EVC2: variants seen among roughly 807,000 people sequenced by gnomAD.
EVC2 encodes the protein limbin.
EVC2 carries 148 observed loss-of-function variants against 149.3 expected under a neutral mutation model. That is an observed-to-expected ratio of 0.99 (90% CI 0.87 to 1.14). EVC2 has a LOEUF of 1.14. EVC2 is among the 50% of genes most tolerant of loss of function. EVC2 has a pLI of 0.00. For synonymous variants in EVC2, 776 were observed against 649.9 expected (o/e 1.19, Z -2.95); for missense variants, 1,854 against 1,627.3 (o/e 1.14, Z -2.40).
chr4:5,530,319 C>T, the EVC2 span, among the ~76,000 whole-genome samples: 4 of 152,174 alleles, frequency 2.6e-5, no homozygotes, highest in Non-Finnish European at 5.9e-5. Context: ...CTCAAGGGGC[C>T]ATGGGGCCTA....
intron 16 of EVC2, among the ~76,000 whole-genome samples, chr4:5,587,669 C>T (rs1712413468): frequency 6.6e-6 from 1 of 152,166 alleles, no homozygotes; most frequent in Non-Finnish European, 1.5e-5. Flanking sequence ...AGACTCCTGT[C>T]TCAAGAGCTG....
chr4:5,623,525 A>G (rs1715886397), intron 13 of EVC2, among the ~76,000 whole-genome samples: 1 of 151,870 alleles, frequency 6.6e-6, no homozygotes, highest in South Asian at 2.1e-4. Flanking sequence ...TTTTTTATAG[A>G]GTTGGGGTTT....
rs1350888580 is a variant in EVC2, at chr4:5,697,595, G to T, written c.281C>A (p.Ala94Glu). Reference protein sequence around the residue: ...PKVECCHFKTAVEAPLGMKLD... With the variant: ...PKVECCHFKTEVEAPLGMKLD... ...CATCAACCAGAAGAAAAACTCACCT[G>T]CAGTCTTAAAGTGACAGCATTCCAC... Residue 94 changes from alanine (A) to glutamate (E), a missense_variant and splice_region_variant, in exon 2 of 22, where the codon GCA becomes GAA. Ala to Glu is a moderately radical substitution (Grantham distance 107). Transcript: ENST00000344408. The T allele has an allele frequency of 3.7e-6, 6 of 1,613,998 alleles. No homozygotes were observed. The highest frequency in any genetic ancestry group is 5.1e-6 in the Non-Finnish European group (6 of 1,179,990).
chr4:5,644,615 T>G (rs1021050135), intron 9 of EVC2, among the ~76,000 whole-genome samples: 1 of 152,198 alleles, frequency 6.6e-6, no homozygotes, highest in African/African-American at 2.4e-5. Flanking sequence ...CATCTTTTCT[T>G]TAAGCGTGCA....
At chr4:5,673,654 G>C (rs1476477873) in intron 7 of EVC2, among the ~76,000 whole-genome samples, 1 of 152,212 alleles carries the variant, frequency 6.6e-6, no homozygotes, top group Non-Finnish European at 1.5e-5. Context: ...AGCAGGAGCA[G>C]ATGCCTTTGA....
chr4:5,665,388 C>T, intron 8 of EVC2, 127 bp downstream of exon 8: 1 of 1,419,316 alleles, frequency 7.0e-7, no homozygotes, highest in Non-Finnish European at 9.8e-7. Flanking sequence ...GGGCCCTGGG[C>T]ATGGGTTTTT....
intron 19 of EVC2, among the ~76,000 whole-genome samples, chr4:5,571,083 A>G (rs1396708688): frequency 6.6e-6 from 1 of 152,112 alleles, no homozygotes; most frequent in Admixed American, 6.5e-5. Context: ...TGGGAGGCTG[A>G]GGCGGGTGGA....
At chr4:5,705,588 TAAAA>T (rs920101897) in intron 1 of EVC2, among the ~76,000 whole-genome samples, 67 of 152,200 alleles carry the variant, frequency 4.4e-4, no homozygotes, top group African/African-American at 1.5e-3. Context: ...TTTTCTAAAA[TAAAA>T]AAAGTGAGAA....
chr4:5,640,933 G>A lies in EVC2; in HGVS notation c.1146-95C>T. 1 of 1,408,390 alleles carries A rather than the reference G, an allele frequency of 7.1e-7. No individual in the cohort carries two copies. Among genetic ancestry groups the A allele is most frequent in the Middle Eastern group, 1.8e-4 (1 of 5,604 alleles). 87.2% of individuals were successfully genotyped at this position (1,408,390 alleles called of 1,614,324 possible). On this transcript the variant is annotated intron_variant, in intron 9 of 21. Coordinates refer to ENST00000344408, the MANE Select transcript of EVC2 (RefSeq NM_147127.5). This position sits in a 1 kb window ranked among gnomAD's most constrained non-coding sequence, Gnocchi z 4.6. ...CTCTGAGGTTTTCATTTATGTGTAG[G>A]CAAGGGCTTTCTTCGTCTTCCTTTT...
chr4:5,554,928 T>C (rs1721806405), intron 21 of EVC2, among the ~76,000 whole-genome samples: 1 of 152,174 alleles, frequency 6.6e-6, no homozygotes, highest in East Asian at 1.9e-4. Context: ...CTCAGCTAAA[T>C]ATAAAAATTA....
intron 7 of EVC2, among the ~76,000 whole-genome samples, chr4:5,673,185 A>G (rs1190064963): frequency 6.6e-6 from 1 of 152,268 alleles, no homozygotes; most frequent in Non-Finnish European, 1.5e-5. Context: ...TATGGTACAC[A>G]GAAGTCAGAA....
chr4:5,580,316 T>G (rs533996750), intron 17 of EVC2, among the ~76,000 whole-genome samples: 1 of 152,248 alleles, frequency 6.6e-6, no homozygotes, highest in Non-Finnish European at 1.5e-5. Flanking sequence ...AACACTCATT[T>G]AAGAATACGG....
chr4:5,539,664 G>A (rs568974095), downstream of EVC2, among the ~76,000 whole-genome samples: 62 of 152,124 alleles, frequency 4.1e-4, 1 homozygote, highest in African/African-American at 1.4e-3. Context: ...CAACAAAGGC[G>A]GAATTCAATT....
intron 7 of EVC2, among the ~76,000 whole-genome samples, chr4:5,671,806 G>A (rs994684034): frequency 6.6e-6 from 1 of 152,142 alleles, no homozygotes; most frequent in African/African-American, 2.4e-5. Flanking sequence ...CACTGCGCCT[G>A]GCCTCAAACA....
rs540272779 is a variant in EVC2, at chr4:5,668,631, A to T, written c.871-2982T>A. Among the ~76,000 whole-genome samples the T allele has an allele frequency of 1.9e-3, 294 of 152,276 alleles. 2 individuals are homozygous for T. The highest frequency in any genetic ancestry group is 6.7e-3 in the African/African-American group (277 of 41,602). On this transcript the variant is annotated intron_variant, in intron 7 of 21. Coordinates refer to ENST00000344408, the MANE Select transcript of EVC2 (RefSeq NM_147127.5). ...ATTGATGGAAAGGAAACTAAAAAAA[A>T]TCTGTCTGTAAAACAACACAGTAGC...
chr4:5,531,780 T>A, the EVC2 span, among the ~76,000 whole-genome samples: 1 of 152,064 alleles, frequency 6.6e-6, no homozygotes, highest in African/African-American at 2.4e-5. Flanking sequence ...ATTATTTCAT[T>A]ATATATTACA....
chr4:5,544,259 A>T (rs1721570547), intron 21 of EVC2, among the ~76,000 whole-genome samples: 1 of 152,168 alleles, frequency 6.6e-6, no homozygotes, highest in African/African-American at 2.4e-5. Flanking sequence ...GAAAAAAAAA[A>T]AAAGAGAGAA....
intron 19 of EVC2, among the ~76,000 whole-genome samples, chr4:5,572,338 C>T (rs1479857221): frequency 6.6e-6 from 1 of 152,154 alleles, no homozygotes; most frequent in Non-Finnish European, 1.5e-5. Flanking sequence ...TGAAACTTAA[C>T]CACAAATGCC....
At chr4:5,693,759 G>C (rs1156844062) in intron 3 of EVC2, among the ~76,000 whole-genome samples, 3 of 152,198 alleles carry the variant, frequency 2.0e-5, no homozygotes, top group African/African-American at 7.2e-5. Context: ...CTCGTACTAC[G>C]TTAAGTCACT....
Sources: gnomAD v4.1 joint callset for allele counts (sites outside exome capture counted in the v4.1 genomes callset) on GRCh38, gnomAD v4.1.1 for gene constraint, Gnocchi (gnomAD v3.1) non-coding constraint, MANE v1.5 for transcripts, NCBI Gene and HGNC (gene_info 2026-07-23, HGNC 2026-07-21) for gene names.